CENPP: variants seen among roughly 807,000 people sequenced by gnomAD.
CENPP encodes centromere protein P.
In CENPP, 24 loss-of-function variants were observed where a neutral mutation model predicts 35.6. The observed-to-expected ratio is 0.67, with a 90% CI of 0.49 to 0.95. CENPP has a LOEUF of 0.95. Among genes scored for constraint, CENPP ranks in the 40% least tolerant of loss-of-function variants. CENPP has a pLI of 0.00. For synonymous variants in CENPP, 120 were observed against 125.5 expected, an observed-to-expected ratio of 0.96 and a Z score of 0.29; for missense variants, 332 against 345.3, an observed-to-expected ratio of 0.96 and a Z score of 0.31.
chr9:92,357,512 G>T, intron 4 of CENPP, among the ~76,000 whole-genome samples: 2 of 138,736 alleles, frequency 1.4e-5, no homozygotes, highest in Admixed American at 7.3e-5. Context: ...TTATTATTTT[G>T]AGATGGAATT....
At chr9:92,379,900 C>G (rs753204450) in intron 5 of CENPP, 41 bp downstream of exon 5, 4 of 1,214,400 alleles carry the variant, frequency 3.3e-6, no homozygotes, top group Non-Finnish European at 4.9e-6. Flanking sequence ...ATATGGAAAA[C>G]AAAGCTGATA....
Position 92,611,389 on chromosome 9 carries a change from C to A in CENPP, c.640C>A (p.Pro214Thr), listed in dbSNP as rs1387517673. The stretch of plus-strand genomic sequence containing the variant: ...CATGGGGATCCGCAGCGCCAGCCGG[C>A]CAGGGTGAGCCTGCACAGGCCATGG... ...CSMGIRSASR[P>T]GFELVIVWRI... is the part of the protein sequence containing the mutation. The change falls in exon 6 of 8, where the codon CCA becomes ACA. Residue 214 changes from proline (P) to threonine (T), a missense_variant. Transcript: ENST00000375587. 1 of 1,612,166 alleles carries A rather than the reference C, an allele frequency of 6.2e-7. No homozygotes were observed. The highest frequency in any genetic ancestry group is 2.2e-5 in the East Asian group (1 of 44,842).
chr9:92,600,440 C>T lies in CENPP; in HGVS notation c.565-10874C>T, dbSNP rs1195737250. The T allele has an allele frequency of 3.1e-6, 5 of 1,612,648 alleles. No individual in the cohort carries two copies. The Admixed American group carries it at 8.3e-5, about 27-fold the overall frequency. ...CTGGTTCTTCCCAAGTCTGTACAAA[C>T]AAGAAAAGTTGGGTCAAGGGAGGAT... is the stretch of plus-strand genomic sequence containing the variant. On this transcript the variant is annotated intron_variant, in intron 5 of 7. Coordinates refer to ENST00000375587, the MANE Select transcript of CENPP (RefSeq NM_001012267.3).
chr9:92,546,727 C>A (rs1849465802), intron 5 of CENPP, among the ~76,000 whole-genome samples: 2 of 152,184 alleles, frequency 1.3e-5, no homozygotes, highest in South Asian at 2.1e-4. Context: ...CCCAGCAGTT[C>A]TGCACACAAT....
At chr9:92,361,879 A>T (rs1841762999) in intron 4 of CENPP, among the ~76,000 whole-genome samples, 1 of 152,158 alleles carries the variant, frequency 6.6e-6, no homozygotes, top group African/African-American at 2.4e-5. Flanking sequence ...TTTATCTAAT[A>T]TGCTTTCCAT....
chr9:92,461,842 A>T (rs1845125803), intron 5 of CENPP, among the ~76,000 whole-genome samples: 1 of 152,216 alleles, frequency 6.6e-6, no homozygotes, highest in African/African-American at 2.4e-5. Context: ...AACTTGATTC[A>T]TTCAAGTAAT....
At chr9:92,509,522 C>T (rs926362113) in intron 5 of CENPP, among the ~76,000 whole-genome samples, 5 of 152,170 alleles carry the variant, frequency 3.3e-5, no homozygotes, top group African/African-American at 7.2e-5. Flanking sequence ...ACAAACATGG[C>T]ACTGGTTAGT....
At chr9:92,445,005 G>A (rs1051136170) in intron 5 of CENPP, among the ~76,000 whole-genome samples, 3 of 152,132 alleles carry the variant, frequency 2.0e-5, no homozygotes, top group African/African-American at 4.8e-5. Context: ...TTCCCCTAGG[G>A]CCAACGTCTC....
chr9:92,383,706 C>T (rs143608258), intron 5 of CENPP, among the ~76,000 whole-genome samples: 3 of 152,132 alleles, frequency 2.0e-5, no homozygotes, highest in African/African-American at 7.2e-5. Context: ...ATCCTCTTAT[C>T]TAGAAATCCC....
intron 5 of CENPP, among the ~76,000 whole-genome samples, chr9:92,453,479 T>A (rs2131026552): frequency 6.6e-6 from 1 of 152,324 alleles, no homozygotes; most frequent in Middle Eastern, 3.4e-3. Context: ...TTGTTATAAT[T>A]TCTGTTCTTT....
rs770074070 is a variant in CENPP, at chr9:92,417,540, T to G, written c.564+37681T>G. ...CCAAAAAAGAAGAAAATAACATATA[T>G]TGGACTTAAAAAACCCATCTTCTTT... is the stretch of plus-strand genomic sequence containing the variant. On this transcript the variant is annotated intron_variant, in intron 5 of 7. Transcript: ENST00000375587. 8.9e-6 allele frequency: 14 copies of G among 1,576,640 alleles called. No homozygotes were observed. In the East Asian group the frequency reaches 3.1e-4, roughly 35 times the overall value.
chr9:92,443,236 A>G (rs1844466186), intron 5 of CENPP, among the ~76,000 whole-genome samples: 1 of 152,256 alleles, frequency 6.6e-6, no homozygotes, highest in South Asian at 2.1e-4. Context: ...CAGTGTAATC[A>G]GCAGGATTTA....
At chr9:92,466,703 T>C in intron 5 of CENPP, 1 of 783,726 alleles carries the variant, frequency 1.3e-6, no homozygotes, top group Non-Finnish European at 2.0e-6. Flanking sequence ...ATGTAAAAAC[T>C]TTCCCAGCCC....
At chr9:92,463,506 GC>G (rs1845190825) in intron 5 of CENPP, among the ~76,000 whole-genome samples, 1 of 152,174 alleles carries the variant, frequency 6.6e-6, no homozygotes, top group African/African-American at 2.4e-5. Context: ...ATAGAATTTT[GC>G]AGTGTAGGAA....
At position 92,476,510 on chromosome 9, in the gene CENPP, A is replaced by G. The variant is rs1845719192; in HGVS notation, c.564+96651A>G. On this transcript the variant is annotated intron_variant, in intron 5 of 7. Coordinates refer to ENST00000375587, the MANE Select transcript of CENPP (RefSeq NM_001012267.3). The surrounding 1 kb of genome is among the most constrained non-coding windows in gnomAD (Gnocchi z 4.1). The stretch of plus-strand genomic sequence containing the variant: ...CTCCAAAAATCTAAATGGTGGCATG[A>G]ACATTTGCCCACTGGGTAGCTGGAT... 6.6e-6 allele frequency among the ~76,000 whole-genome samples: 1 copy of G among 152,210 alleles called. No homozygotes were observed. Among genetic ancestry groups the G allele is most frequent in the Non-Finnish European group, 1.5e-5 (1 of 68,038 alleles).
intron 5 of CENPP, among the ~76,000 whole-genome samples, chr9:92,579,205 C>A (rs1318591397): frequency 1.4e-5 from 2 of 147,882 alleles, no homozygotes; most frequent in African/African-American, 5.0e-5. Flanking sequence ...TTACTGTAGC[C>A]TTGTAGTATA....
intron 4 of CENPP, among the ~76,000 whole-genome samples, chr9:92,373,967 A>G (rs1412634499): frequency 6.6e-6 from 1 of 151,708 alleles, no homozygotes; most frequent in Admixed American, 6.6e-5. Flanking sequence ...CCTTATGTTG[A>G]TATCTGCACA....
At chr9:92,502,687 T>C (rs941363048) in intron 5 of CENPP, 1 of 1,481,604 alleles carries the variant, frequency 6.7e-7, no homozygotes, top group African/African-American at 1.4e-5. Context: ...ATTTTTCTTT[T>C]GTGTTAGTTG....
At chr9:92,381,007 A>C (rs1842229025) in intron 5 of CENPP, among the ~76,000 whole-genome samples, 1 of 152,046 alleles carries the variant, frequency 6.6e-6, no homozygotes, top group Non-Finnish European at 1.5e-5. Flanking sequence ...GGTGGAAAAA[A>C]CCTATCACAT....
Sources: allele counts gnomAD v4.1 joint callset (sites outside exome capture counted in the v4.1 genomes callset), GRCh38; gene constraint gnomAD v4.1.1; non-coding constraint Gnocchi (gnomAD v3.1); transcripts MANE v1.5; gene names NCBI Gene and HGNC (gene_info 2026-07-23, HGNC 2026-07-21).